The following SP100 variants were observed in gnomAD, a reference collection of about 807,000 sequenced individuals.
SP100 encodes SP100 nuclear body protein.
Under a neutral mutation model 130.0 loss-of-function variants are expected in SP100, and 84 were observed. The ratio of observed to expected loss-of-function variants is 0.65; its 90% CI spans 0.54 to 0.77. The LOEUF is 0.77. Among genes scored for constraint, SP100 ranks in the 30% least tolerant of loss-of-function variants. SP100 has a pLI of 0.00. For missense variants in SP100, 978 were observed against 1,052.2 expected (o/e 0.93, Z 0.97); for synonymous variants, 331 against 351.7 (o/e 0.94, Z 0.66).
chr2:230,484,767 TATG>T (rs1282334261), intron 17 of SP100, among the ~76,000 whole-genome samples: 1 of 152,192 alleles, frequency 6.6e-6, no homozygotes, highest in Middle Eastern at 3.2e-3. Context: ...ATTTTCCTAT[TATG>T]ATAGTATATT....
intron 17 of SP100, among the ~76,000 whole-genome samples, chr2:230,480,887 G>A (rs1229963735): frequency 6.6e-6 from 1 of 152,180 alleles, no homozygotes; most frequent in African/African-American, 2.4e-5. Flanking sequence ...CTGGGAGAAG[G>A]TGGTCTCCTT....
chr2:230,476,300 T>C (rs574343105), intron 17 of SP100, among the ~76,000 whole-genome samples: 148 of 152,340 alleles, frequency 9.7e-4, no homozygotes, highest in African/African-American at 3.4e-3. Context: ...TTTATGGCTA[T>C]TGTAAATGGG....
At chr2:230,513,574 G>A (rs1439752975) in intron 24 of SP100, among the ~76,000 whole-genome samples, 1 of 152,154 alleles carries the variant, frequency 6.6e-6, no homozygotes, top group Non-Finnish European at 1.5e-5. Context: ...GCTAGGTTAA[G>A]GGGATAGATG....
At chr2:230,522,797 C>T (rs1378189439) in intron 24 of SP100, among the ~76,000 whole-genome samples, 1 of 151,488 alleles carries the variant, frequency 6.6e-6, no homozygotes, top group Non-Finnish European at 1.5e-5. Flanking sequence ...CCCCAGTGTT[C>T]TATTTTTTAA....
At chr2:230,497,619 T>A (rs1397308577) in intron 18 of SP100, among the ~76,000 whole-genome samples, 2 of 124,440 alleles carry the variant, frequency 1.6e-5, no homozygotes, top group East Asian at 4.7e-4. Context: ...AAGGAAAGGA[T>A]CAGCACCTTT....
chr2:230,427,218 G>A (rs1299083724), intron 2 of SP100, among the ~76,000 whole-genome samples: 1 of 151,982 alleles, frequency 6.6e-6, no homozygotes, highest in East Asian at 1.9e-4. Flanking sequence ...TTGGAGTGCA[G>A]TGGTGCTATC....
intron 18 of SP100, among the ~76,000 whole-genome samples, chr2:230,495,885 A>T (rs1441753979): frequency 2.0e-5 from 3 of 152,274 alleles, no homozygotes; most frequent in African/African-American, 4.8e-5. Flanking sequence ...GCATATTTGG[A>T]TATATTTTTT....
rs73097026 is a variant in SP100 at position 230,515,012 on chromosome 2, A to C, written c.2094+3846A>C. ...GCGACTCTGTACCTTGCTGAGGAAA[A>C]ATAACTAAACATGGACAAAGCAGAT... On this transcript the variant is annotated intron_variant, in intron 24 of 28. Coordinates refer to ENST00000340126, the MANE Select transcript of SP100 (RefSeq NM_001080391.2). The C allele has an allele frequency of 8.2e-4, 1,293 of 1,575,428 alleles. 5 individuals carry two copies. In the African/African-American group the frequency reaches 0.016, roughly 20 times the overall value.
At chr2:230,491,716 T>C (rs1163558436) in intron 17 of SP100, among the ~76,000 whole-genome samples, 1 of 152,206 alleles carries the variant, frequency 6.6e-6, no homozygotes, top group Non-Finnish European at 1.5e-5. Context: ...CCAAATCACC[T>C]TCCACCAGGC....
At chr2:230,514,554 T>C (rs1228056639) in intron 24 of SP100, among the ~76,000 whole-genome samples, 1 of 152,178 alleles carries the variant, frequency 6.6e-6, no homozygotes, top group Non-Finnish European at 1.5e-5. Context: ...TGAAAGATAA[T>C]TTTTCTCTCT....
intron 24 of SP100, among the ~76,000 whole-genome samples, chr2:230,521,073 A>C (rs957704945): frequency 6.6e-6 from 1 of 152,192 alleles, no homozygotes; most frequent in African/African-American, 2.4e-5. Context: ...AGACCTTCCC[A>C]AGGTAGGTTA....
chr2:230,505,008 A>G (rs1689967948), intron 21 of SP100, among the ~76,000 whole-genome samples: 1 of 152,106 alleles, frequency 6.6e-6, no homozygotes, highest in South Asian at 2.1e-4. Flanking sequence ...GATAAACAAT[A>G]TGTTTATCCA....
intron 12 of SP100, 117 bp from the exon 13 acceptor site, chr2:230,467,003 C>A: frequency 1.4e-6 from 1 of 714,580 alleles, no homozygotes; most frequent in Non-Finnish European, 2.5e-6. Context: ...GACATTCTTG[C>A]CCTGAAGTTT....
chr2:230,528,449 G>C (rs547280517), intron 24 of SP100, among the ~76,000 whole-genome samples: 1 of 152,292 alleles, frequency 6.6e-6, no homozygotes, highest in South Asian at 2.1e-4. Context: ...GAAATTTATA[G>C]CACTAAATGC....
intron 1 of SP100, 65 bp from the exon 2 acceptor site, chr2:230,417,526 A>T: frequency 6.4e-7 from 1 of 1,561,886 alleles, no homozygotes; most frequent in East Asian, 2.3e-5. Flanking sequence ...TCTAAACCTT[A>T]AAAATGTAAT....
chr2:230,532,203 C>A (rs1691730894), intron 24 of SP100, among the ~76,000 whole-genome samples: 1 of 150,250 alleles, frequency 6.7e-6, no homozygotes, highest in Non-Finnish European at 1.5e-5. Context: ...GCTGTAAGAG[C>A]TTTACGGTTC....
intron 17 of SP100, among the ~76,000 whole-genome samples, chr2:230,489,438 GTCTA>G (rs1164077734): frequency 7.3e-5 from 11 of 151,612 alleles, no homozygotes; most frequent in Non-Finnish European, 1.0e-4. Context: ...CTATCTAGTG[GTCTA>G]TCTATTTTGT....
At chr2:230,515,692 T>C in intron 24 of SP100, 1 of 1,549,322 alleles carries the variant, frequency 6.5e-7, no homozygotes, top group Non-Finnish European at 8.6e-7. Context: ...AAGCTGCCTG[T>C]ACACAACTCA....
At chr2:230,509,186 G>A (rs1453151083) in intron 23 of SP100, 4 of 152,318 alleles carry the variant, frequency 2.6e-5, no homozygotes, top group Admixed American at 2.0e-4. Flanking sequence ...CATACTATAT[G>A]TATTCTATGG....
Sources: gnomAD v4.1 joint callset for allele counts (sites outside exome capture counted in the v4.1 genomes callset) on GRCh38, gnomAD v4.1.1 for gene constraint, MANE v1.5 for transcripts, NCBI Gene and HGNC (gene_info 2026-07-23, HGNC 2026-07-21) for gene names.